Variants in MMP24 observed in about 807,000 individuals in gnomAD.
The protein encoded by MMP24 is matrix metalloproteinase-24.
A neutral mutation model predicts 62.8 loss-of-function variants in MMP24; 25 were observed. The ratio of observed to expected loss-of-function variants is 0.40; its 90% CI spans 0.29 to 0.56. The LOEUF is 0.56. MMP24 is among the 20% of genes least tolerant of loss of function. The pLI is 0.50. For synonymous variants in MMP24, 319 were observed against 350.5 expected, an observed-to-expected ratio of 0.91 and a Z score of 1.00; for missense variants, 634 against 853.6, an observed-to-expected ratio of 0.74 and a Z score of 3.21.
At chr20:35,247,012 G>A in intron 2 of MMP24, 24 bp downstream of exon 2, 1 of 1,613,018 alleles carries the variant, frequency 6.2e-7, no homozygotes, top group African/African-American at 1.3e-5. Context: ...AGGACATTGT[G>A]CCTTTGAACT....
At chr20:35,273,949 T>C (rs532121349) in intron 8 of MMP24, among the ~76,000 whole-genome samples, 2 of 152,160 alleles carry the variant, frequency 1.3e-5, no homozygotes, top group Admixed American at 6.5e-5. Context: ...GGGGGACCTG[T>C]GCGCACAGTG....
rs969001801 is a variant in MMP24 at position 35,271,840 on chromosome 20, G to A, written c.1600+5G>A. 4 of 1,606,208 alleles carry A rather than the reference G, an allele frequency of 2.5e-6. No individual in the cohort carries two copies. Among genetic ancestry groups the A allele is most frequent in the African/African-American group, 1.3e-5 (1 of 74,826 alleles). The stretch of plus-strand genomic sequence containing the variant: ...CCTTCATCAGCAAGGAAGGATGTAC[G>A]TAAGGGCCGGGCCAGGGTGGGCATG... On this transcript the variant is annotated splice_donor_5th_base_variant and intron_variant, in intron 8 of 8. Coordinates refer to ENST00000246186, the MANE Select transcript of MMP24 (RefSeq NM_006690.4). This position sits in a 1 kb window ranked among gnomAD's most constrained non-coding sequence, Gnocchi z 4.0.
At position 35,246,985 on chromosome 20, in the gene MMP24, T is replaced by C. The variant is rs1177635924; in HGVS notation, c.392T>C (p.Ile131Thr). The change falls in exon 2 of 9, where the codon ATC becomes ACC. Residue 131 changes from isoleucine (I) to threonine (T), a missense_variant. Physicochemically the swap from Ile to Thr is moderately conservative, Grantham distance 89. Transcript: ENST00000246186. ...PVTGVLDQTTIEWMKKPRCGV... is the reference protein window; with the variant it reads ...PVTGVLDQTTTEWMKKPRCGV... ...ACCGGTGTGTTGGATCAGACAACGA[T>C]CGAGTAAGATTTCCATAGGACATTG... 1 of 1,614,008 alleles carries C rather than the reference T, an allele frequency of 6.2e-7. No homozygotes were observed. Among genetic ancestry groups the C allele is most frequent in the Non-Finnish European group, 8.5e-7 (1 of 1,179,898 alleles).
intron 3 of MMP24, among the ~76,000 whole-genome samples, chr20:35,253,916 C>T (rs1482862494): frequency 1.4e-5 from 2 of 142,442 alleles, no homozygotes; most frequent in Non-Finnish European, 3.0e-5. Context: ...GTTACCCAGG[C>T]TGGAGTGCAG....
chr20:35,246,506 C>T (rs2060515698), intron 1 of MMP24, among the ~76,000 whole-genome samples: 1 of 152,078 alleles, frequency 6.6e-6, no homozygotes, highest in Admixed American at 6.6e-5. Context: ...CCATGCTGTG[C>T]TTTTCCAGGT....
At chr20:35,257,008 G>C (rs1041577175) in intron 4 of MMP24, among the ~76,000 whole-genome samples, 1 of 152,138 alleles carries the variant, frequency 6.6e-6, no homozygotes, top group African/African-American at 2.4e-5. Flanking sequence ...GGGAAACACC[G>C]AGCATCCTTT....
intron 2 of MMP24, among the ~76,000 whole-genome samples, chr20:35,248,809 G>A (rs999298721): frequency 3.3e-5 from 5 of 152,168 alleles, no homozygotes; most frequent in African/African-American, 7.2e-5. Flanking sequence ...GAGCCCAGCC[G>A]CCTTTCAAAG....
chr20:35,233,936 G>T (rs1478414710), intron 1 of MMP24, among the ~76,000 whole-genome samples: 2 of 152,154 alleles, frequency 1.3e-5, no homozygotes, highest in Non-Finnish European at 2.9e-5. Context: ...AGTGGACAGA[G>T]ATCACACCAC....
At chr20:35,239,435 A>G (rs561348737) in intron 1 of MMP24, among the ~76,000 whole-genome samples, 66 of 152,306 alleles carry the variant, frequency 4.3e-4, no homozygotes, top group Non-Finnish European at 7.2e-4. Context: ...CCTAGCACAC[A>G]GTACTTGGTA....
rs997825690 is a variant in MMP24, at chr20:35,244,657, C to T, written c.247-2183C>T. On this transcript the variant is annotated intron_variant, in intron 1 of 8. Transcript: ENST00000246186. The stretch of plus-strand genomic sequence containing the variant: ...GTTTCACCATGTTGGTCAGGCTGGT[C>T]TCGAACTCCTGACCTCAGGTGATCC... 2.0e-5 allele frequency among the ~76,000 whole-genome samples: 3 copies of T among 152,142 alleles called. No individual in the cohort carries two copies. In the South Asian group the frequency reaches 6.2e-4, roughly 32 times the overall value.
At chr20:35,264,743 GA>G (rs1481144486) in intron 5 of MMP24, among the ~76,000 whole-genome samples, 2 of 106,802 alleles carry the variant, frequency 1.9e-5, no homozygotes, top group Non-Finnish European at 2.0e-5. Flanking sequence ...AAAAAAGAAA[GA>G]AAAGGTGAAA....
intron 6 of MMP24, among the ~76,000 whole-genome samples, chr20:35,267,681 T>C (rs1234508459): frequency 6.6e-6 from 1 of 152,218 alleles, no homozygotes; most frequent in African/African-American, 2.4e-5. Context: ...AGCTGGCTTC[T>C]GGTCTGTGAC....
chr20:35,255,870 A>T (rs2060572136), intron 4 of MMP24, among the ~76,000 whole-genome samples: 1 of 152,166 alleles, frequency 6.6e-6, no homozygotes, highest in Non-Finnish European at 1.5e-5. Flanking sequence ...GGGGGAGCTG[A>T]ATGTTTGAAA....
At chr20:35,263,975 A>G (rs1600799874) in intron 5 of MMP24, 23 bp downstream of exon 5, 2 of 1,576,628 alleles carry the variant, frequency 1.3e-6, no homozygotes, top group East Asian at 2.3e-5. Flanking sequence ...GAGAGGGGGG[A>G]CTGCTCCTTC....
intron 1 of MMP24, among the ~76,000 whole-genome samples, chr20:35,236,394 G>C (rs2060463242): frequency 6.6e-6 from 1 of 152,194 alleles, no homozygotes; most frequent in South Asian, 2.1e-4. Context: ...TGTTAAATTA[G>C]ATGATCTCTG....
intron 1 of MMP24, among the ~76,000 whole-genome samples, chr20:35,239,844 T>C (rs1190625418): frequency 6.6e-6 from 1 of 151,842 alleles, no homozygotes; most frequent in African/African-American, 2.4e-5. Context: ...GGAAACTGGA[T>C]GTAGGCAGTG....
intron 1 of MMP24, among the ~76,000 whole-genome samples, chr20:35,246,388 A>G (rs2060514997): frequency 6.6e-6 from 1 of 152,130 alleles, no homozygotes; most frequent in Non-Finnish European, 1.5e-5. Flanking sequence ...GAGGCAGGAG[A>G]ATCACTTGAA....
intron 1 of MMP24, 129 bp downstream of exon 1, chr20:35,227,113 C>G (rs1387987571): frequency 1.3e-6 from 1 of 784,650 alleles, no homozygotes. Flanking sequence ...GCCGGGGGTC[C>G]GCGCCTTGGG....
At position 35,267,262 on chromosome 20, in the gene MMP24, G is replaced by C; in HGVS notation, c.1037G>C (p.Arg346Thr). The C allele has an allele frequency of 6.2e-7, 1 of 1,606,726 alleles. No homozygotes were observed. Among genetic ancestry groups the C allele is most frequent in the Non-Finnish European group, 8.5e-7 (1 of 1,176,936 alleles). Residue 346 changes from arginine to threonine, a missense_variant, in exon 6 of 9, where the codon AGG becomes ACG. Physicochemically the swap from Arg to Thr is moderately conservative, Grantham distance 71. Transcript: ENST00000246186. ...TRPLPTLPVRRIHSPSERKHE... is the reference protein window; with the variant it reads ...TRPLPTLPVRTIHSPSERKHE... ...CCACTCCCTACACTCCCCGTCCGCA[G>C]GATCCACTCACCATCGGAGAGGAAA... is the stretch of plus-strand genomic sequence containing the variant.
Sources: gnomAD v4.1 joint callset for allele counts (sites outside exome capture counted in the v4.1 genomes callset) on GRCh38, gnomAD v4.1.1 for gene constraint, Gnocchi (gnomAD v3.1) non-coding constraint, MANE v1.5 for transcripts, NCBI Gene and HGNC (gene_info 2026-07-23, HGNC 2026-07-21) for gene names.